The following SRRM2 variants were observed in gnomAD, a reference collection of about 807,000 sequenced individuals.
SRRM2 encodes serine/arginine repetitive matrix 2.
SRRM2 carries 30 observed loss-of-function variants against 213.8 expected under a neutral mutation model. That is an observed-to-expected ratio of 0.14 (90% confidence interval 0.10 to 0.19). The LOEUF is 0.19. Among genes scored for constraint, SRRM2 ranks in the 10% least tolerant of loss-of-function variants. The pLI is 1.00. For missense variants in SRRM2, 4,904 were observed against 3,647.0 expected, an observed-to-expected ratio of 1.34 and a Z score of -8.88; for synonymous variants, 2,025 against 1,377.7, an observed-to-expected ratio of 1.47 and a Z score of -10.40.
At position 2,762,705 on chromosome 16, in the gene SRRM2, C is replaced by T. The variant is rs2068401047; in HGVS notation, c.2177C>T (p.Ser726Leu). ...CCTCAAAGAAGAGGCAGATCTGGCT[C>T]ATCTTCAGAGCGGAAAAACAAATCC... is the stretch of plus-strand genomic sequence containing the variant. ...RTPQRRGRSG[S>L]SSERKNKSRT... Residue 726 changes from serine to leucine, a missense_variant, in exon 11 of 15, where the codon TCA becomes TTA. By Grantham distance (145) the Ser-to-Leu change is moderately radical. Transcript: ENST00000301740. The T allele has an allele frequency of 2.5e-6, 4 of 1,614,198 alleles. No individual in the cohort carries two copies. Among genetic ancestry groups the T allele is most frequent in the Non-Finnish European group, 3.4e-6 (4 of 1,180,036 alleles).
chr16:2,762,119 C>T lies in SRRM2; in HGVS notation c.1591C>T (p.Arg531Cys), dbSNP rs142113413. The change falls in exon 11 of 15, where the codon CGT becomes TGT. Residue 531 changes from arginine to cysteine, a missense_variant. By Grantham distance (180) the Arg-to-Cys change is radical. Transcript: ENST00000301740. ...RWGRSRSPQR[R>C]GRSRSPQRPG... ...GGGAAGATCTAGAAGCCCCCAGCGA[C>T]GTGGCCGCTCTAGGTCTCCTCAGCG... The T allele has an allele frequency of 1.7e-5, 28 of 1,614,050 alleles. No individual in the cohort carries two copies. The highest frequency in any genetic ancestry group is 1.6e-4 in the African/African-American group (12 of 74,910).
chr16:2,770,966 C>G lies in SRRM2; in HGVS notation c.*99C>G, dbSNP rs2068725743. On this transcript the variant is annotated 3_prime_UTR_variant, in exon 15 of 15. Transcript: ENST00000301740. ...CGTGGGAGGGTCCTTGTCTGCTCTC[C>G]TTTGAACCTTGGCAGCCCTTGGATG... is the stretch of plus-strand genomic sequence containing the variant. 1 of 1,499,774 alleles carries G rather than the reference C, an allele frequency of 6.7e-7. No individual in the cohort carries two copies. The highest frequency in any genetic ancestry group is 9.1e-7 in the Non-Finnish European group (1 of 1,095,188). 92.9% of individuals were successfully genotyped at this position (1,499,774 alleles called of 1,614,324 possible). A position where few individuals can be genotyped will look rare whatever the true frequency, so the allele number is the denominator to read the frequency against.
chr16:2,769,814 G>C (rs976638564), intron 12 of SRRM2: 2 of 465,204 alleles, frequency 4.3e-6, no homozygotes, highest in Non-Finnish European at 8.6e-6. Context: ...GGCCTTGCCC[G>C]CCCTGTGTTC....
Position 2,769,062 on chromosome 16 carries a change from C to G in SRRM2, c.7799C>G (p.Pro2600Arg). 6.2e-7 allele frequency: 1 copy of G among 1,614,136 alleles called. No individual in the cohort carries two copies. Among genetic ancestry groups the G allele is most frequent in the Non-Finnish European group, 8.5e-7 (1 of 1,180,026 alleles). ...GAGGGACGTCCTCCGGAGCCAACCC[C>G]AGCCAAACGGAAGAGGCGCTCTAGC... ...VREGRPPEPT[P>R]AKRKRRSSSS... Residue 2600 changes from proline (P) to arginine (R), a missense_variant, in exon 12 of 15, where the codon CCA becomes CGA. Pro to Arg is a moderately radical substitution (Grantham distance 103, BLOSUM62 -2). Coordinates refer to ENST00000301740, the MANE Select transcript of SRRM2 (RefSeq NM_016333.4).
chr16:2,764,304 A>C lies in SRRM2; in HGVS notation c.3776A>C (p.Glu1259Ala). 1 of 1,614,142 alleles carries C rather than the reference A, an allele frequency of 6.2e-7. No individual in the cohort carries two copies. The highest frequency in any genetic ancestry group is 2.2e-5 in the East Asian group (1 of 44,888). ...AGQILSHLSS[E>A]LKEMSTSNFE... ...CAAATCCTGTCTCATTTGTCTTCAGAACTTAAAGAAATGTCCACAAGTAAC... is the reference window on the plus strand; with the variant it reads ...CAAATCCTGTCTCATTTGTCTTCAGCACTTAAAGAAATGTCCACAAGTAAC... Residue 1259 changes from glutamate to alanine, a missense_variant, in exon 11 of 15, where the codon GAA becomes GCA. Glu to Ala is a moderately radical substitution (Grantham distance 107). Coordinates refer to ENST00000301740, the MANE Select transcript of SRRM2 (RefSeq NM_016333.4).
rs2068505521 is a variant in SRRM2, at chr16:2,765,453, G to A, written c.4925G>A (p.Ser1642Asn). 1.2e-6 allele frequency: 2 copies of A among 1,614,000 alleles called. No homozygotes were observed. Among genetic ancestry groups the A allele is most frequent in the African/African-American group, 2.7e-5 (2 of 74,890 alleles). Residue 1642 changes from serine to asparagine, a missense_variant, in exon 11 of 15, where the codon AGC becomes AAC. Transcript: ENST00000301740. ...LPRRSRSGSS[S>N]KGRGPSPEGS... Reference sequence around the variant, plus strand: ...AGACGAAGCAGATCAGGTTCATCAAGCAAAGGCAGAGGCCCTTCTCCTGAA... The same window carrying A: ...AGACGAAGCAGATCAGGTTCATCAAACAAAGGCAGAGGCCCTTCTCCTGAA...
Position 2,767,728 on chromosome 16 carries a change from G to T in SRRM2, c.7200G>T (p.Pro2400=). The stretch of plus-strand genomic sequence containing the variant: ...GTGTCAGTGGCAGAACCTCACCACC[G>T]CTCCTTGACCGAGCTAGGTCCAGAA... The part of the protein sequence containing the change: ...YERVSGRTSP[P]LLDRARSRTP... Residue 2400 remains proline (P), a synonymous_variant, in exon 11 of 15, where the codon CCG becomes CCT. Transcript: ENST00000301740. The T allele has an allele frequency of 1.2e-6, 2 of 1,613,602 alleles. No homozygotes were observed. The highest frequency in any genetic ancestry group is 1.3e-5 in the African/African-American group (1 of 74,842).
chr16:2,754,214 G>T lies in SRRM2; in HGVS notation c.-32+1368G>T, dbSNP rs77932957. 9.1e-3 allele frequency among the ~76,000 whole-genome samples: 1,379 copies of T among 152,028 alleles called. 10 individuals are homozygous for T. The highest frequency in any genetic ancestry group is 0.016 in the Non-Finnish European group (1,075 of 67,972). Reference sequence around the variant, plus strand: ...GTGGGGTCGTCGTCTTTTTTTGTGGGGTGGACTAGGTGGCTCATTCCCTAA... The same window carrying T: ...GTGGGGTCGTCGTCTTTTTTTGTGGTGTGGACTAGGTGGCTCATTCCCTAA... On this transcript the variant is annotated intron_variant, in intron 1 of 14. Transcript: ENST00000301740.
intron 1 of SRRM2, among the ~76,000 whole-genome samples, chr16:2,754,541 C>T (rs1388135223): frequency 1.3e-5 from 2 of 152,160 alleles, no homozygotes; most frequent in African/African-American, 4.8e-5. Flanking sequence ...CCGCCCACCT[C>T]GGCCTCCCAA....
In SRRM2 at chr16:2,766,483, A is replaced by G. The variant is rs757030569; in HGVS notation, c.5955A>G (p.Arg1985=). ...TCACTCGCAGAAGATCAAGATCCAG[A>G]ACATCTCCGGTCACCCGAAGGAGAT... ...SPITRRRSRS[R]TSPVTRRRSR... is the part of the protein sequence containing the mutation. Residue 1985 remains arginine (R), a synonymous_variant, in exon 11 of 15, where the codon AGA becomes AGG. Transcript: ENST00000301740. This position sits in a 1 kb window ranked among gnomAD's most constrained non-coding sequence, Gnocchi z 7.0. 47 of 1,613,996 alleles carry G rather than the reference A, an allele frequency of 2.9e-5. No individual in the cohort carries two copies. The highest frequency in any genetic ancestry group is 1.9e-5 in the Non-Finnish European group (23 of 1,179,926).
Position 2,764,238 on chromosome 16 carries a change from A to C in SRRM2, c.3710A>C (p.Glu1237Ala). The C allele has an allele frequency of 6.2e-7, 1 of 1,614,158 alleles. No homozygotes were observed. The highest frequency in any genetic ancestry group is 8.5e-7 in the Non-Finnish European group (1 of 1,180,030). ...SALPTSSQDE[E>A]LMEVVEKSEE... ...TTGCCTACGTCAAGCCAAGATGAAG[A>C]GTTAATGGAGGTGGTAGAGAAGTCT... Residue 1237 changes from glutamate to alanine, a missense_variant, in exon 11 of 15, where the codon GAG becomes GCG. Transcript: ENST00000301740.
Position 2,769,034 on chromosome 16 carries a change from C to G in SRRM2, c.7771C>G (p.Arg2591Gly), listed in dbSNP as rs200668425. 5.0e-6 allele frequency: 8 copies of G among 1,614,052 alleles called. No homozygotes were observed. In the Admixed American group the frequency reaches 8.3e-5, roughly 17 times the overall value. Reference sequence around the variant, plus strand: ...CACCCCAGCCCCAAAGGAGGCTGTTCGAGAGGGACGTCCTCCGGAGCCAAC... The same window carrying G: ...CACCCCAGCCCCAAAGGAGGCTGTTGGAGAGGGACGTCCTCCGGAGCCAAC... The part of the protein sequence containing the change: ...SPTPAPKEAV[R>G]EGRPPEPTPA... The change falls in exon 12 of 15, where the codon CGA becomes GGA. Residue 2591 changes from arginine (R) to glycine (G), a missense_variant. Coordinates refer to ENST00000301740, the MANE Select transcript of SRRM2 (RefSeq NM_016333.4).
At chr16:2,753,063 A>G (rs993512510) in intron 1 of SRRM2, among the ~76,000 whole-genome samples, 3 of 141,842 alleles carry the variant, frequency 2.1e-5, no homozygotes, top group Non-Finnish European at 4.7e-5. Flanking sequence ...CCCCATGACA[A>G]CGGCGTTCGC....
rs763340603 is a variant in SRRM2, at chr16:2,762,051, C to G, written c.1523C>G (p.Ser508Cys). The change falls in exon 11 of 15, where the codon TCC (serine) becomes TGC (cysteine). Residue 508 changes from serine (S) to cysteine (C), a missense_variant. Coordinates refer to ENST00000301740, the MANE Select transcript of SRRM2 (RefSeq NM_016333.4). ...RTPTKRGHSR[S>C]RSPQWRRSRS... is the part of the protein sequence containing the mutation. ...CCTACCAAGAGAGGTCATTCTCGATCCCGATCTCCCCAGTGGCGTAGGTCC... is the reference window on the plus strand; with the variant it reads ...CCTACCAAGAGAGGTCATTCTCGATGCCGATCTCCCCAGTGGCGTAGGTCC... The G allele has an allele frequency of 6.2e-7, 1 of 1,614,230 alleles. No individual in the cohort carries two copies. The highest frequency in any genetic ancestry group is 2.2e-5 in the East Asian group (1 of 44,890).
chr16:2,753,633 TA>T (rs2068027009), intron 1 of SRRM2: 1 of 152,180 alleles, frequency 6.6e-6, no homozygotes, highest in East Asian at 1.9e-4. Context: ...CAGACTCATA[TA>T]TAAGTTTTCT....
Position 2,762,289 on chromosome 16 carries a change from A to C in SRRM2, c.1761A>C (p.Arg587Ser). 6.2e-7 allele frequency: 1 copy of C among 1,614,018 alleles called. No individual in the cohort carries two copies. The highest frequency in any genetic ancestry group is 8.5e-7 in the Non-Finnish European group (1 of 1,179,966). The change falls in exon 11 of 15, where the codon AGA becomes AGC. Residue 587 changes from arginine to serine, a missense_variant. Physicochemically the swap from Arg to Ser is moderately radical, Grantham distance 110 (BLOSUM62 -1). Coordinates refer to ENST00000301740, the MANE Select transcript of SRRM2 (RefSeq NM_016333.4). ...TPARRGRSRS[R>S]TPARRRSRSR... ...CCCGCCGGGGCAGGTCCCGCTCTAGAACACCTGCCAGGCGGAGATCACGAT... is the reference window on the plus strand; with the variant it reads ...CCCGCCGGGGCAGGTCCCGCTCTAGCACACCTGCCAGGCGGAGATCACGAT...
rs2068553852 is a variant in SRRM2, at chr16:2,766,616, T to A, written c.6088T>A (p.Ser2030Thr). 1 of 1,613,314 alleles carries A rather than the reference T, an allele frequency of 6.2e-7. No homozygotes were observed. The highest frequency in any genetic ancestry group is 1.7e-5 in the Admixed American group (1 of 59,936). The change falls in exon 11 of 15, where the codon TCT becomes ACT. Residue 2030 changes from serine to threonine, a missense_variant. Ser to Thr is a moderately conservative substitution (Grantham distance 58, BLOSUM62 1). Transcript: ENST00000301740. This position sits in a 1 kb window ranked among gnomAD's most constrained non-coding sequence, Gnocchi z 7.0. ...GACACCTCCAGCTATTCGGCGCCGCTCTAGATCTCGAACGCCACTGTTACC... is the reference window on the plus strand; with the variant it reads ...GACACCTCCAGCTATTCGGCGCCGCACTAGATCTCGAACGCCACTGTTACC... Reference protein sequence around the residue: ...SRTPPAIRRRSRSRTPLLPRK... With the variant: ...SRTPPAIRRRTRSRTPLLPRK...
chr16:2,768,303 A>G, intron 11 of SRRM2, 42 bp downstream of exon 11: 1 of 1,077,606 alleles, frequency 9.3e-7, no homozygotes, highest in Non-Finnish European at 1.3e-6. Flanking sequence ...TGGGGGAGGT[A>G]TTGGGGATGG....
chr16:2,770,325 G>A lies in SRRM2; in HGVS notation c.8022-27G>A. The A allele has an allele frequency of 2.6e-6, 4 of 1,552,228 alleles. No homozygotes were observed. The South Asian group carries it at 4.8e-5, about 18-fold the overall frequency. On this transcript the variant is annotated intron_variant, in intron 12 of 14. Coordinates refer to ENST00000301740, the MANE Select transcript of SRRM2 (RefSeq NM_016333.4). Reference sequence around the variant, plus strand: ...GCCCGTGTGCTTGAAAGGGTGTGGTGCTATTGGGTCCTACTGTGTTCCCCA... The same window carrying A: ...GCCCGTGTGCTTGAAAGGGTGTGGTACTATTGGGTCCTACTGTGTTCCCCA...
Sources: allele counts gnomAD v4.1 joint callset (sites outside exome capture counted in the v4.1 genomes callset), GRCh38; gene constraint gnomAD v4.1.1; non-coding constraint Gnocchi (gnomAD v3.1); transcripts MANE v1.5; gene names NCBI Gene and HGNC (gene_info 2026-07-23, HGNC 2026-07-21).